AK7: variants seen among roughly 807,000 people sequenced by gnomAD.
AK7 encodes the protein adenylate kinase 7.
A neutral mutation model predicts 96.6 loss-of-function variants in AK7; 78 were observed. That is an observed-to-expected ratio of 0.81 (90% CI 0.67 to 0.97). The LOEUF is 0.97. AK7 is among the 50% of genes least tolerant of loss of function. AK7 has a pLI of 0.00. For synonymous variants in AK7, 302 were observed against 317.2 expected, an observed-to-expected ratio of 0.95 and a Z score of 0.51; for missense variants, 855 against 887.9, an observed-to-expected ratio of 0.96 and a Z score of 0.47.
chr14:96,467,970 C>T (rs1894664162), intron 12 of AK7, among the ~76,000 whole-genome samples: 1 of 151,078 alleles, frequency 6.6e-6, no homozygotes, highest in Non-Finnish European at 1.5e-5. Context: ...CATATGGTGG[C>T]TCACGCCCGT....
chr14:96,426,350 CTATTTA>C (rs1294393625), intron 5 of AK7, among the ~76,000 whole-genome samples: 1 of 152,076 alleles, frequency 6.6e-6, no homozygotes, highest in African/African-American at 2.4e-5. Context: ...TTTGATGTTT[CTATTTA>C]TATCTTATTG....
At chr14:96,469,248 C>T (rs771710529) in intron 12 of AK7, among the ~76,000 whole-genome samples, 9 of 152,252 alleles carry the variant, frequency 5.9e-5, no homozygotes, top group East Asian at 1.9e-4. Context: ...AGGCCGGGGG[C>T]GGCGGCTCAT....
chr14:96,488,236 C>G, intron 17 of AK7, 69 bp from the exon 18 acceptor site: 1 of 1,434,872 alleles, frequency 7.0e-7, no homozygotes, highest in Non-Finnish European at 9.7e-7. Flanking sequence ...AAATTGTAAA[C>G]ATTACTAATA....
chr14:96,393,881 G>C (rs1327350678), intron 1 of AK7, among the ~76,000 whole-genome samples: 1 of 152,028 alleles, frequency 6.6e-6, no homozygotes, highest in African/African-American at 2.4e-5. Context: ...GGCCGAGGTG[G>C]GTGGATCACC....
intron 12 of AK7, among the ~76,000 whole-genome samples, chr14:96,460,429 G>A (rs1894190239): frequency 6.6e-6 from 1 of 152,132 alleles, no homozygotes; most frequent in Non-Finnish European, 1.5e-5. Flanking sequence ...CAAGGACAGG[G>A]GAGAAGGACA....
chr14:96,395,151 T>A (rs1276732260), intron 1 of AK7, among the ~76,000 whole-genome samples: 2 of 152,168 alleles, frequency 1.3e-5, no homozygotes, highest in African/African-American at 4.8e-5. Flanking sequence ...AGGCTGTGTA[T>A]AACTTTTGTC....
intron 12 of AK7, among the ~76,000 whole-genome samples, chr14:96,465,569 GTTTT>G (rs1435978513): frequency 1.3e-5 from 2 of 152,020 alleles, no homozygotes; most frequent in Non-Finnish European, 2.9e-5. Flanking sequence ...CTTTTTGTTT[GTTTT>G]ATCAATACAC....
At chr14:96,417,037 C>T (rs867958924) in intron 4 of AK7, among the ~76,000 whole-genome samples, 2 of 152,328 alleles carry the variant, frequency 1.3e-5, no homozygotes, top group African/African-American at 4.8e-5. Context: ...CCCTGGCAGC[C>T]GTTGAAGACA....
At chr14:96,449,707 T>C (rs1040941349) in intron 8 of AK7, 95 bp from the exon 9 acceptor site, 1 of 877,702 alleles carries the variant, frequency 1.1e-6, no homozygotes, top group African/African-American at 1.7e-5. Flanking sequence ...GTGCTGGGAT[T>C]ACAGGCGTGA....
At chr14:96,395,883 C>T (rs971114860) in intron 1 of AK7, among the ~76,000 whole-genome samples, 16 of 119,244 alleles carry the variant, frequency 1.3e-4, no homozygotes, top group African/African-American at 4.9e-4. Context: ...ATGATCTTGG[C>T]TCACTGCAAC....
chr14:96,447,078 T>G (rs568646075), intron 8 of AK7, among the ~76,000 whole-genome samples: 1 of 152,230 alleles, frequency 6.6e-6, no homozygotes, highest in Non-Finnish European at 1.5e-5. Context: ...CAGTATATAC[T>G]TTGAGGTTAC....
At chr14:96,458,037 A>G in intron 11 of AK7, 46 bp from the exon 12 acceptor site, 1 of 1,599,258 alleles carries the variant, frequency 6.3e-7, no homozygotes, top group Middle Eastern at 2.2e-4. Context: ...TGAATAGCAA[A>G]TGGATGTGGG....
At chr14:96,458,026 G>A (rs1374084284) in intron 11 of AK7, 57 bp from the exon 12 acceptor site, 3 of 1,591,820 alleles carry the variant, frequency 1.9e-6, no homozygotes, top group Non-Finnish European at 2.6e-6. Context: ...CAGCTGATTT[G>A]TGAATAGCAA....
intron 2 of AK7, among the ~76,000 whole-genome samples, chr14:96,400,840 C>G (rs1485646865): frequency 6.6e-6 from 1 of 152,238 alleles, no homozygotes; most frequent in Non-Finnish European, 1.5e-5. Context: ...TTCCCGCAGG[C>G]TGAGGAGTAT....
Position 96,396,820 on chromosome 14 carries a change from T to A in AK7, c.106-1255T>A, listed in dbSNP as rs552370732. ...AGAAACTTCGCCAACTTCTTTCTAT[T>A]TCATTATTCAATACTGTAGCCACTG... On this transcript the variant is annotated intron_variant, in intron 1 of 17. Coordinates refer to ENST00000267584, the MANE Select transcript of AK7 (RefSeq NM_152327.5). 2.0e-4 allele frequency among the ~76,000 whole-genome samples: 31 copies of A among 152,386 alleles called. No homozygotes were observed. In the East Asian group the frequency reaches 5.6e-3, roughly 27 times the overall value.
At chr14:96,440,124 T>C (rs1305886039) in intron 6 of AK7, among the ~76,000 whole-genome samples, 1 of 152,028 alleles carries the variant, frequency 6.6e-6, no homozygotes, top group Non-Finnish European at 1.5e-5. Context: ...TACAGGTGTG[T>C]GCCACCATGC....
intron 1 of AK7, among the ~76,000 whole-genome samples, chr14:96,393,177 A>C (rs1476505603): frequency 6.6e-6 from 1 of 152,200 alleles, no homozygotes; most frequent in East Asian, 1.9e-4. Flanking sequence ...ATCAGTTGTC[A>C]AAAGAAAGCC....
chr14:96,437,802 T>A (rs762931603), intron 5 of AK7, 33 bp from the exon 6 acceptor site: 39 of 1,537,600 alleles, frequency 2.5e-5, no homozygotes, highest in Non-Finnish European at 3.4e-5. Context: ...TAATATTACA[T>A]CCAGCTTTTT....
chr14:96,462,189 GT>G (rs1566800869), intron 12 of AK7, among the ~76,000 whole-genome samples: 4 of 152,186 alleles, frequency 2.6e-5, no homozygotes, highest in Admixed American at 2.0e-4. Context: ...GGAAGTGGTC[GT>G]GTGGGGAAGA....
Sources: gnomAD v4.1 joint callset for allele counts (sites outside exome capture counted in the v4.1 genomes callset) on GRCh38, gnomAD v4.1.1 for gene constraint, MANE v1.5 for transcripts, NCBI Gene and HGNC (gene_info 2026-07-23, HGNC 2026-07-21) for gene names.